Variants in KAZN observed in about 807,000 individuals in gnomAD.
KAZN encodes the protein kazrin.
In KAZN, 40 loss-of-function variants were observed where a neutral mutation model predicts 87.4. That is an observed-to-expected ratio of 0.46 (90% CI 0.36 to 0.60). The LOEUF is 0.60. KAZN is among the 20% of genes least tolerant of loss of function. The pLI is 0.00. For synonymous variants in KAZN, 466 were observed against 458.3 expected (o/e 1.02, Z -0.22); for missense variants, 898 against 1,073.9 (o/e 0.84, Z 2.29).
chr1:14,785,007 T>G (rs1645466516), intron 1 of KAZN, among the ~76,000 whole-genome samples: 1 of 150,020 alleles, frequency 6.7e-6, no homozygotes, highest in African/African-American at 2.5e-5. Context: ...AATGAGATAA[T>G]GCCTCGGGGG....
Position 14,897,940 on chromosome 1 carries a change from A to G in KAZN, c.227-62744A>G, listed in dbSNP as rs140693153. On this transcript the variant is annotated intron_variant, in intron 1 of 14. Coordinates refer to ENST00000376030, the MANE Select transcript of KAZN (RefSeq NM_201628.3). ...ACTCTGTGAACTCCATGGCAGCTAC[A>G]GTTCAGGAAGGGATGCGCAGCTATG... Among the ~76,000 whole-genome samples, 15 of 152,356 alleles carry G rather than the reference A, an allele frequency of 9.8e-5. No individual in the cohort carries two copies. The East Asian group carries it at 2.7e-3, about 27-fold the overall frequency.
At chr1:14,653,205 G>A (rs1291597993) in intron 1 of KAZN, among the ~76,000 whole-genome samples, 3 of 152,254 alleles carry the variant, frequency 2.0e-5, no homozygotes, top group Admixed American at 6.5e-5. Flanking sequence ...GAGAGGTCCA[G>A]TAGGAATTGG....
At chr1:14,555,616 GA>G (rs914544342) in intron 2 of KAZN, among the ~76,000 whole-genome samples, 17 of 150,898 alleles carry the variant, frequency 1.1e-4, no homozygotes, top group Non-Finnish European at 1.9e-4. Context: ...TTCACTGGAA[GA>G]AAAAAAAAGA....
chr1:14,725,529 A>G (rs527372954), intron 1 of KAZN, among the ~76,000 whole-genome samples: 1 of 151,708 alleles, frequency 6.6e-6, no homozygotes, highest in African/African-American at 2.4e-5. Context: ...CATATAGCAG[A>G]CACTAAAATA....
chr1:14,957,277 C>T (rs12729959), intron 1 of KAZN, among the ~76,000 whole-genome samples: 26,031 of 152,202 alleles, frequency 0.17, 2,487 homozygotes, highest in East Asian at 0.22. Context: ...ACCGTGGGGT[C>T]CAGGAGCACT....
intron 2 of KAZN, among the ~76,000 whole-genome samples, chr1:14,462,804 C>T (rs549810378): frequency 9.2e-5 from 14 of 152,186 alleles, no homozygotes; most frequent in South Asian, 2.1e-4. Flanking sequence ...GAGAACAGCA[C>T]GGGAAAGACC....
intron 1 of KAZN, among the ~76,000 whole-genome samples, chr1:14,942,897 G>A (rs1488113568): frequency 6.6e-6 from 1 of 152,016 alleles, no homozygotes. Flanking sequence ...AGAAAGGCAG[G>A]CCTGGAGCTG....
chr1:15,022,365 C>T (rs769875326), intron 2 of KAZN, among the ~76,000 whole-genome samples: 5 of 151,904 alleles, frequency 3.3e-5, no homozygotes, highest in East Asian at 1.9e-4. Context: ...CATGGTTAAC[C>T]GGAGTTTTGC....
At position 14,598,889 on chromosome 1, in the gene KAZN, C is replaced by G; in HGVS notation, c.-109C>G. On this transcript the variant is annotated 5_prime_UTR_variant, in exon 1 of 15. Coordinates refer to ENST00000376030, the MANE Select transcript of KAZN (RefSeq NM_201628.3). The surrounding 1 kb of genome is among the most constrained non-coding windows in gnomAD (Gnocchi z 4.2). ...CTGGGGGTCGGGGCGCGGGCGAAGC[C>G]GGGCCGCGGAGGACACAACAGGTAG... The G allele has an allele frequency of 6.7e-7, 1 of 1,484,220 alleles. No homozygotes were observed. Among genetic ancestry groups the G allele is most frequent in the Non-Finnish European group, 8.9e-7 (1 of 1,127,192 alleles). 91.9% of individuals were successfully genotyped at this position (1,484,220 alleles called of 1,614,324 possible). A position where few individuals can be genotyped will look rare whatever the true frequency, so the allele number is the denominator to read the frequency against.
chr1:14,684,325 C>T (rs1640838884), intron 1 of KAZN, among the ~76,000 whole-genome samples: 1 of 152,162 alleles, frequency 6.6e-6, no homozygotes, highest in South Asian at 2.1e-4. Context: ...ATCCCAGCTC[C>T]ACCACTCATG....
chr1:14,752,421 A>G (rs1644438441), intron 1 of KAZN, among the ~76,000 whole-genome samples: 1 of 152,210 alleles, frequency 6.6e-6, no homozygotes, highest in Non-Finnish European at 1.5e-5. Context: ...CATTTGTGCT[A>G]CAAAACAAAA....
At chr1:14,367,471 G>A (rs903498526) in intron 2 of KAZN, among the ~76,000 whole-genome samples, 2 of 152,100 alleles carry the variant, frequency 1.3e-5, no homozygotes, top group Non-Finnish European at 2.9e-5. Context: ...GATGGGGGGC[G>A]GGCTGGGCCA....
At chr1:14,217,471 A>G (rs567028003) in intron 2 of KAZN, among the ~76,000 whole-genome samples, 1 of 152,232 alleles carries the variant, frequency 6.6e-6, no homozygotes, top group Non-Finnish European at 1.5e-5. Context: ...ATTCCAAATT[A>G]GGAAGATTTA....
rs71587761 is a variant in KAZN at position 14,576,291 on chromosome 1, AGGATGGAT to A, written c.250-22656_250-22649del. 3.9e-3 allele frequency among the ~76,000 whole-genome samples: 494 copies of A among 125,460 alleles called. 3 individuals are homozygous for A. The highest frequency in any genetic ancestry group is 0.012 in the African/African-American group (441 of 37,040). 82.3% of individuals were successfully genotyped at this position (125,460 alleles called of 152,430 possible). ...ACACTCAGTAAACTAGAAGGATGGA[AGGATGGAT>A]GGATGGATGGATGGATGGATGGATG... On this transcript the variant is annotated intron_variant, in intron 2 of 16. Coordinates refer to the KAZN transcript ENST00000636203.
At chr1:14,661,689 G>A (rs1639178244) in intron 1 of KAZN, among the ~76,000 whole-genome samples, 1 of 149,766 alleles carries the variant, frequency 6.7e-6, no homozygotes, top group African/African-American at 2.5e-5. Flanking sequence ...GGGGAGGGAG[G>A]GGATCACCTG....
chr1:14,886,750 C>T (rs1572732927), intron 1 of KAZN, among the ~76,000 whole-genome samples: 2 of 151,940 alleles, frequency 1.3e-5, no homozygotes, highest in South Asian at 2.1e-4. Context: ...AAGATCGTGC[C>T]GTTATACTCC....
chr1:13,978,129 CAA>C (rs35828417), intron 1 of KAZN, among the ~76,000 whole-genome samples: 2 of 82,118 alleles, frequency 2.4e-5, no homozygotes, highest in Admixed American at 1.8e-4. Flanking sequence ...CTCCATCTCA[CAA>C]AAAAAAAAAA....
At chr1:14,434,310 G>A (rs77197798) in intron 2 of KAZN, among the ~76,000 whole-genome samples, 221 of 152,200 alleles carry the variant, frequency 1.5e-3, no homozygotes, top group Non-Finnish European at 2.6e-3. Context: ...CTCCCTTACC[G>A]GTTCAGAATT....
At chr1:14,853,234 T>A (rs757079931) in intron 1 of KAZN, among the ~76,000 whole-genome samples, 1 of 151,892 alleles carries the variant, frequency 6.6e-6, no homozygotes, top group Non-Finnish European at 1.5e-5. Context: ...CACAACACAG[T>A]GTGACGACTG....
Sources: gnomAD v4.1 joint callset for allele counts (sites outside exome capture counted in the v4.1 genomes callset) on GRCh38, gnomAD v4.1.1 for gene constraint, Gnocchi (gnomAD v3.1) non-coding constraint, MANE v1.5 for transcripts, NCBI Gene and HGNC (gene_info 2026-07-23, HGNC 2026-07-21) for gene names.